The following WDFY4 variants were observed in gnomAD, a reference collection of about 807,000 sequenced individuals.
WDFY4 encodes WD repeat- and FYVE domain-containing protein 4.
Under a neutral mutation model 351.9 loss-of-function variants are expected in WDFY4, and 169 were observed. The ratio of observed to expected loss-of-function variants is 0.48; its 90% CI spans 0.42 to 0.55. The LOEUF (loss-of-function observed/expected upper bound fraction) is 0.55, where lower values mean the gene tolerates loss of function less well. Ranked by LOEUF, WDFY4 falls within the 20% of genes least tolerant of loss-of-function variation. The pLI is 0.00. For missense variants in WDFY4, 3,803 were observed against 3,935.6 expected, an observed-to-expected ratio of 0.97 and a Z score of 0.90; for synonymous variants, 1,622 against 1,574.6, an observed-to-expected ratio of 1.03 and a Z score of -0.71.
At chr10:48,936,877 T>C (rs1347296107) in intron 47 of WDFY4, among the ~76,000 whole-genome samples, 1 of 150,078 alleles carries the variant, frequency 6.7e-6, no homozygotes, top group Non-Finnish European at 1.5e-5. Context: ...TTAAAAGTGC[T>C]CATAATTTTG....
At chr10:48,812,630 C>A (rs1005717022) in intron 30 of WDFY4, among the ~76,000 whole-genome samples, 1 of 152,206 alleles carries the variant, frequency 6.6e-6, no homozygotes, top group African/African-American at 2.4e-5. Flanking sequence ...GCCTATTGAT[C>A]ACTTTCCTAT....
At chr10:48,887,643 G>A (rs1182171152) in intron 43 of WDFY4, among the ~76,000 whole-genome samples, 1 of 152,142 alleles carries the variant, frequency 6.6e-6, no homozygotes. Flanking sequence ...GCCGGGCGTG[G>A]TGGTGGGTGC....
intron 3 of WDFY4, among the ~76,000 whole-genome samples, chr10:48,720,582 G>A (rs904584358): frequency 2.0e-5 from 3 of 151,542 alleles, no homozygotes; most frequent in Admixed American, 6.6e-5. Flanking sequence ...CTCTACACAT[G>A]CAGACACACC....
At chr10:48,772,298 G>A (rs1420500562) in intron 13 of WDFY4, among the ~76,000 whole-genome samples, 1 of 152,080 alleles carries the variant, frequency 6.6e-6, no homozygotes, top group East Asian at 1.9e-4. Flanking sequence ...GAGGGCACTG[G>A]CCTCATTGGC....
chr10:48,733,874 T>C (rs1204081472), intron 9 of WDFY4, 57 bp from the exon 10 acceptor site: 1 of 1,463,796 alleles, frequency 6.8e-7, no homozygotes, highest in Non-Finnish European at 9.4e-7. Flanking sequence ...AGTCAGAGAT[T>C]TGCGGTCATA....
chr10:48,743,922 C>G (rs2064934571), intron 12 of WDFY4, among the ~76,000 whole-genome samples: 1 of 152,162 alleles, frequency 6.6e-6, no homozygotes, highest in Non-Finnish European at 1.5e-5. Context: ...GTTTTATCTC[C>G]TCCCCAGGAT....
chr10:48,887,642 G>A (rs932352366), intron 43 of WDFY4, among the ~76,000 whole-genome samples: 3 of 152,074 alleles, frequency 2.0e-5, no homozygotes, highest in Non-Finnish European at 4.4e-5. Flanking sequence ...AGCCGGGCGT[G>A]GTGGTGGGTG....
chr10:48,921,623 G>A (rs1415239481), intron 47 of WDFY4, among the ~76,000 whole-genome samples: 2 of 151,884 alleles, frequency 1.3e-5, no homozygotes, highest in African/African-American at 4.8e-5. Flanking sequence ...AAAACGTTGA[G>A]CATGAAAAGA....
chr10:48,818,456 G>A (rs2067698085), intron 32 of WDFY4, among the ~76,000 whole-genome samples: 1 of 152,192 alleles, frequency 6.6e-6, no homozygotes, highest in South Asian at 2.1e-4. Context: ...ACCTGATGAA[G>A]GTGGTGTCTG....
At chr10:48,690,705 T>C (rs2063169761) in intron 1 of WDFY4, among the ~76,000 whole-genome samples, 1 of 152,100 alleles carries the variant, frequency 6.6e-6, no homozygotes, top group Non-Finnish European at 1.5e-5. Context: ...GGTCCTCCTA[T>C]AATCTTCCCA....
intron 24 of WDFY4, chr10:48,802,757 G>T (rs199984740): frequency 8.1e-5 from 38 of 471,382 alleles, no homozygotes; most frequent in Non-Finnish European, 1.5e-4. Flanking sequence ...TGTGGTTTGG[G>T]CTGAAGAATG....
intron 13 of WDFY4, among the ~76,000 whole-genome samples, chr10:48,773,426 T>A (rs2065931431): frequency 6.6e-6 from 1 of 152,184 alleles, no homozygotes; most frequent in African/African-American, 2.4e-5. Flanking sequence ...TAAAGGAACA[T>A]CCCACCCAAT....
intron 47 of WDFY4, among the ~76,000 whole-genome samples, chr10:48,925,340 C>A (rs141306953): frequency 6.6e-6 from 1 of 152,258 alleles, no homozygotes; most frequent in Admixed American, 6.5e-5. Flanking sequence ...AGGTGGAGAC[C>A]TGCACTGTCA....
intron 10 of WDFY4, 70 bp from the exon 11 acceptor site, chr10:48,735,810 T>C (rs955704338): frequency 1.1e-5 from 15 of 1,380,206 alleles, no homozygotes; most frequent in Non-Finnish European, 1.5e-5. Context: ...ACAAAGCTTT[T>C]CTTTTGATTG....
In WDFY4 at chr10:48,914,371, G is replaced by T; in HGVS notation, c.7586+12508G>T. ...GAGAAGTCAGGGCAAAGTGGACCCAGCCCAGCCATAGATTGTCAGCAAACT... is the reference window on the plus strand; with the variant it reads ...GAGAAGTCAGGGCAAAGTGGACCCATCCCAGCCATAGATTGTCAGCAAACT... On this transcript the variant is annotated intron_variant, in intron 47 of 61. Transcript: ENST00000325239. The T allele has an allele frequency of 5.3e-6, 3 of 568,174 alleles. No individual in the cohort carries two copies. The South Asian group carries it at 7.3e-5, about 14-fold the overall frequency. The allele number at this position is 568,174 out of a possible 1,614,324, so 35.2% of individuals were successfully genotyped here.
intron 35 of WDFY4, chr10:48,824,234 C>G: frequency 1.0e-6 from 1 of 968,586 alleles, no homozygotes; most frequent in African/African-American, 1.8e-5. Flanking sequence ...TGCTGAACCA[C>G]CCAGCCTCTC....
chr10:48,715,245 C>G (rs548124977), intron 2 of WDFY4, among the ~76,000 whole-genome samples: 26 of 152,344 alleles, frequency 1.7e-4, no homozygotes, highest in African/African-American at 5.3e-4. Flanking sequence ...AAAGGTGTCC[C>G]TGCTGAGCCC....
intron 11 of WDFY4, among the ~76,000 whole-genome samples, chr10:48,736,448 G>A (rs2064671093): frequency 6.6e-6 from 1 of 152,226 alleles, no homozygotes; most frequent in Non-Finnish European, 1.5e-5. Context: ...AGAACTTTGG[G>A]CAGGACTCAC....
At chr10:48,881,355 G>T (rs906324561) in intron 43 of WDFY4, among the ~76,000 whole-genome samples, 5 of 152,204 alleles carry the variant, frequency 3.3e-5, no homozygotes, top group African/African-American at 7.2e-5. Flanking sequence ...GAAATGCTGT[G>T]GGGAGTGCTT....
Sources: gnomAD v4.1 joint callset for allele counts (sites outside exome capture counted in the v4.1 genomes callset) on GRCh38, gnomAD v4.1.1 for gene constraint, MANE v1.5 for transcripts, NCBI Gene and HGNC (gene_info 2026-07-23, HGNC 2026-07-21) for gene names.